The following ERBB4 variants were observed in gnomAD, a reference collection of about 807,000 sequenced individuals.
ERBB4 encodes erb-b2 receptor tyrosine kinase 4.
Under a neutral mutation model 158.0 loss-of-function variants are expected in ERBB4, and 42 were observed. The ratio of observed to expected loss-of-function variants is 0.27; its 90% CI spans 0.21 to 0.34. ERBB4 has a LOEUF of 0.34. Among genes scored for constraint, ERBB4 ranks in the 10% least tolerant of loss-of-function variants. ERBB4 has a pLI of 1.00. For missense variants in ERBB4, 1,333 were observed against 1,624.1 expected (o/e 0.82, Z 3.08); for synonymous variants, 583 against 558.7 (o/e 1.04, Z -0.61).
intron 3 of ERBB4, among the ~76,000 whole-genome samples, chr2:211,894,567 A>T (rs1050238606): frequency 2.0e-5 from 3 of 152,208 alleles, no homozygotes; most frequent in African/African-American, 7.2e-5. Context: ...ATAATAAAAA[A>T]AAAATTCATT....
intron 1 of ERBB4, among the ~76,000 whole-genome samples, chr2:212,402,419 T>A (rs2091233193): frequency 6.6e-6 from 1 of 152,054 alleles, no homozygotes; most frequent in Non-Finnish European, 1.5e-5. Flanking sequence ...CCTTTCAGTA[T>A]CCTGACGGTG....
At chr2:212,190,312 G>A (rs1195652501) in intron 1 of ERBB4, among the ~76,000 whole-genome samples, 1 of 152,106 alleles carries the variant, frequency 6.6e-6, no homozygotes, top group Non-Finnish European at 1.5e-5. Flanking sequence ...CAAGGCGGGC[G>A]GATCACGAGG....
chr2:212,343,330 T>C (rs2106324399), intron 1 of ERBB4, among the ~76,000 whole-genome samples: 1 of 152,294 alleles, frequency 6.6e-6, no homozygotes, highest in Non-Finnish European at 1.5e-5. Context: ...AAGTGTCTAT[T>C]GCTTTAATCT....
At chr2:211,832,223 C>T (rs1324550608) in intron 3 of ERBB4, among the ~76,000 whole-genome samples, 4 of 151,946 alleles carry the variant, frequency 2.6e-5, no homozygotes, top group South Asian at 2.1e-4. Context: ...TCTCCACAGA[C>T]TTGACATATA....
At chr2:212,097,454 T>A (rs2078964377) in intron 2 of ERBB4, among the ~76,000 whole-genome samples, 1 of 152,140 alleles carries the variant, frequency 6.6e-6, no homozygotes, top group African/African-American at 2.4e-5. Context: ...TGGTGGCAGA[T>A]AGTTTGGTGA....
rs181567116 is a variant in ERBB4 at position 211,525,741 on chromosome 2, G to C, written c.2487+36162C>G. ...GCCCCGAAGGGTGAGTCTCAGGCCT[G>C]GCAGCATTCACCAGAGCTGACCGAA... On this transcript the variant is annotated intron_variant, in intron 20 of 27. Coordinates refer to ENST00000342788, the MANE Select transcript of ERBB4 (RefSeq NM_005235.3). Among the ~76,000 whole-genome samples, 5 of 152,216 alleles carry C rather than the reference G, an allele frequency of 3.3e-5. No homozygotes were observed. In the South Asian group the frequency reaches 8.3e-4, roughly 25 times the overall value.
chr2:211,544,939 A>G (rs1036898932), intron 20 of ERBB4, among the ~76,000 whole-genome samples: 6 of 152,040 alleles, frequency 3.9e-5, no homozygotes, highest in Admixed American at 2.0e-4. Flanking sequence ...AACCTGTTCC[A>G]CAGAAGCCCC....
intron 25 of ERBB4, among the ~76,000 whole-genome samples, chr2:211,411,994 A>G (rs1208162883): frequency 1.3e-5 from 2 of 152,186 alleles, no homozygotes; most frequent in Non-Finnish European, 2.9e-5. Flanking sequence ...TCTCGATTAG[A>G]GTAATATTAT....
intron 3 of ERBB4, among the ~76,000 whole-genome samples, chr2:211,863,195 G>A (rs929705026): frequency 8.7e-5 from 13 of 149,734 alleles, no homozygotes; most frequent in Non-Finnish European, 1.3e-4. Context: ...CTGCAAAAAC[G>A]CACCAATCAG....
intron 1 of ERBB4, among the ~76,000 whole-genome samples, chr2:212,362,302 C>A (rs969739584): frequency 1.3e-5 from 2 of 151,254 alleles, no homozygotes; most frequent in African/African-American, 4.8e-5. Context: ...AAAGGAATGG[C>A]CAAATTAGCG....
chr2:212,503,156 T>A (rs963015162), intron 1 of ERBB4, among the ~76,000 whole-genome samples: 1 of 152,230 alleles, frequency 6.6e-6, no homozygotes, highest in Non-Finnish European at 1.5e-5. Context: ...TGCATTGAAC[T>A]GTTAGTAATG....
rs949819049 is a variant in ERBB4 at position 211,390,464 on chromosome 2, T to C, written c.3136-2472A>G. Among the ~76,000 whole-genome samples, 4 of 152,364 alleles carry C rather than the reference T, an allele frequency of 2.6e-5. No individual in the cohort carries two copies. In the South Asian group the frequency reaches 8.3e-4, roughly 32 times the overall value. ...TTGCAAAAGTTGCTGTACTGGGTAA[T>C]GTTTGACTAGAATTACAGCTGAGAA... On this transcript the variant is annotated intron_variant, in intron 25 of 27. Coordinates refer to ENST00000342788, the MANE Select transcript of ERBB4 (RefSeq NM_005235.3).
Position 211,619,279 on chromosome 2 carries a change from T to C in ERBB4, c.2203-4A>G. On this transcript the variant is annotated splice_region_variant and splice_polypyrimidine_tract_variant and intron_variant, in intron 18 of 27. Transcript: ENST00000342788. Reference sequence around the variant, plus strand: ...CTCCTTCAGGTACCCAAATACCCTTTGGGGAAAAAAATTTACATTAAATAT... The same window carrying C: ...CTCCTTCAGGTACCCAAATACCCTTCGGGGAAAAAAATTTACATTAAATAT... The C allele has an allele frequency of 3.8e-6, 6 of 1,570,056 alleles. No individual in the cohort carries two copies. Among genetic ancestry groups the C allele is most frequent in the Non-Finnish European group, 5.3e-6 (6 of 1,140,414 alleles).
At chr2:211,965,964 C>G (rs541318338) in intron 2 of ERBB4, among the ~76,000 whole-genome samples, 64 of 152,270 alleles carry the variant, frequency 4.2e-4, no homozygotes, top group African/African-American at 1.5e-3. Flanking sequence ...GTAATCCCAG[C>G]ACTTTGGGAG....
rs547297777 is a variant in ERBB4 at position 212,424,891 on chromosome 2, A to T, written c.82+113558T>A. 2.0e-5 allele frequency among the ~76,000 whole-genome samples: 3 copies of T among 152,174 alleles called. No individual in the cohort carries two copies. In the South Asian group the frequency reaches 6.2e-4, roughly 32 times the overall value. ...GTATAAGCACAAAGACAATTGATCA[A>T]ATTATTAATTGTGGTCTTCTACTGG... On this transcript the variant is annotated intron_variant, in intron 1 of 27. Coordinates refer to ENST00000342788, the MANE Select transcript of ERBB4 (RefSeq NM_005235.3).
chr2:212,099,736 GT>G (rs3037296), intron 2 of ERBB4, among the ~76,000 whole-genome samples: 14,212 of 144,566 alleles, frequency 0.098, 750 homozygotes, highest in Middle Eastern at 0.12. Context: ...TTGTTTTACA[GT>G]TTTTTTTTTT....
At chr2:212,178,816 T>C (rs753987368) in intron 1 of ERBB4, among the ~76,000 whole-genome samples, 11 of 151,528 alleles carry the variant, frequency 7.3e-5, no homozygotes, top group Non-Finnish European at 7.4e-5. Flanking sequence ...GCCAAAACAT[T>C]ACAATAATTT....
At position 211,424,294 on chromosome 2, in the gene ERBB4, A is replaced by C. The variant is rs1264030853; in HGVS notation, c.2727T>G (p.Thr909=). The C allele has an allele frequency of 6.2e-7, 1 of 1,612,166 alleles. No homozygotes were observed. Residue 909 remains threonine (T), a synonymous_variant, in exon 23 of 28, where the codon ACT becomes ACG. Transcript: ENST00000342788. ...HQSDVWSYGV[T]IWELMTFGGK... is the part of the protein sequence containing the mutation. ...CTCCAAAGGTCATCAGTTCCCATAT[A>C]GTAACTCCTATATTGGAGAAAAAAT...
At position 211,597,083 on chromosome 2, in the gene ERBB4, C is replaced by T. The variant is rs143199879; in HGVS notation, c.2301+22094G>A. 3.8e-3 allele frequency among the ~76,000 whole-genome samples: 573 copies of T among 152,190 alleles called. 3 individuals are homozygous for T. Among genetic ancestry groups the T allele is most frequent in the African/African-American group, 0.013 (553 of 41,526 alleles). ...ATCCAGCCCCACTTACTCACTCTATCGAGCGAGTATTTTTATTCACTTGTT... is the reference window on the plus strand; with the variant it reads ...ATCCAGCCCCACTTACTCACTCTATTGAGCGAGTATTTTTATTCACTTGTT... On this transcript the variant is annotated intron_variant, in intron 19 of 27. Coordinates refer to ENST00000342788, the MANE Select transcript of ERBB4 (RefSeq NM_005235.3).
Sources: allele counts gnomAD v4.1 joint callset (sites outside exome capture counted in the v4.1 genomes callset), GRCh38; gene constraint gnomAD v4.1.1; transcripts MANE v1.5; gene names NCBI Gene and HGNC (gene_info 2026-07-23, HGNC 2026-07-21).